Variants in MED12L observed in about 807,000 individuals in gnomAD.
The protein encoded by MED12L is mediator complex subunit 12L.
MED12L carries 60 observed loss-of-function variants against 281.3 expected under a neutral mutation model. The ratio of observed to expected loss-of-function variants is 0.21; its 90% confidence interval spans 0.17 to 0.26. The LOEUF is 0.26. MED12L is among the 10% of genes least tolerant of loss of function. The pLI, the probability that MED12L is intolerant of heterozygous loss-of-function variation, is 1.00. For synonymous variants in MED12L, 974 were observed against 987.2 expected (o/e 0.99, Z 0.25); for missense variants, 2,146 against 2,680.9 (o/e 0.80, Z 4.41).
intron 16 of MED12L, among the ~76,000 whole-genome samples, chr3:151,238,183 G>A (rs1364808459): frequency 4.7e-5 from 7 of 150,106 alleles, no homozygotes; most frequent in African/African-American, 1.5e-4. Context: ...GTCTCGCTCT[G>A]TCACCCAGGC....
chr3:151,346,066 C>T (rs2149993086), intron 16 of MED12L, among the ~76,000 whole-genome samples: 1 of 152,302 alleles, frequency 6.6e-6, no homozygotes, highest in Admixed American at 6.5e-5. Flanking sequence ...GCATTCTCAA[C>T]TCATGACTTT....
chr3:151,349,917 A>G, intron 16 of MED12L, 142 bp from the exon 17 acceptor site: 2 of 535,496 alleles, frequency 3.7e-6, no homozygotes, highest in South Asian at 4.1e-5. Context: ...TTGCCAGTGG[A>G]GGTTGAGGTG....
At position 151,171,583 on chromosome 3, in the gene MED12L, C is replaced by T. The variant is rs771122550; in HGVS notation, c.1494+5601C>T. 2.3e-4 allele frequency among the ~76,000 whole-genome samples: 35 copies of T among 152,290 alleles called. 2 individuals are homozygous for T. The highest frequency in any genetic ancestry group is 9.2e-4 in the Admixed American group (14 of 15,300). ...TGCTGCTAAAACCACACACCCCAGACGGGGAAACTTACATATTTATTGTTT... is the reference window on the plus strand; with the variant it reads ...TGCTGCTAAAACCACACACCCCAGATGGGGAAACTTACATATTTATTGTTT... On this transcript the variant is annotated intron_variant, in intron 11 of 44. Transcript: ENST00000687756.
At chr3:151,131,894 T>G (rs774135805) in intron 5 of MED12L, among the ~76,000 whole-genome samples, 2 of 152,210 alleles carry the variant, frequency 1.3e-5, no homozygotes, top group Non-Finnish European at 2.9e-5. Flanking sequence ...CTTTTATTTT[T>G]TGCATACCCA....
At chr3:151,295,219 A>C (rs1744926532) in intron 16 of MED12L, 1 of 1,586,778 alleles carries the variant, frequency 6.3e-7, no homozygotes, top group Non-Finnish European at 8.6e-7. Context: ...TATCTGTAGG[A>C]GAAGTGGGGA....
At chr3:151,300,025 C>T (rs768399907) in intron 16 of MED12L, 1 of 1,377,350 alleles carries the variant, frequency 7.3e-7, no homozygotes, top group Non-Finnish European at 1.0e-6. Context: ...TAATAGTCAT[C>T]AATAAAGTAA....
intron 16 of MED12L, chr3:151,198,458 T>C (rs1725009375): frequency 6.2e-7 from 1 of 1,610,418 alleles, no homozygotes; most frequent in African/African-American, 1.3e-5. Flanking sequence ...TAATTTTTCT[T>C]TCTGAGCCTT....
chr3:151,205,564 G>A (rs1434064420), intron 16 of MED12L, among the ~76,000 whole-genome samples: 1 of 152,166 alleles, frequency 6.6e-6, no homozygotes, highest in African/African-American at 2.4e-5. Context: ...AACTAATGAG[G>A]AAGGGGAAAG....
chr3:151,097,976 G>A (rs1461120271), intron 2 of MED12L, among the ~76,000 whole-genome samples: 1 of 152,226 alleles, frequency 6.6e-6, no homozygotes, highest in South Asian at 2.1e-4. Flanking sequence ...AGTGGATGGG[G>A]TTGAGGATAG....
At chr3:151,119,825 C>G (rs1713463670) in intron 3 of MED12L, among the ~76,000 whole-genome samples, 1 of 152,132 alleles carries the variant, frequency 6.6e-6, no homozygotes, top group South Asian at 2.1e-4. Context: ...ATATGAAATA[C>G]ATGAATTATA....
At chr3:151,204,431 C>T (rs1160620171) in intron 16 of MED12L, among the ~76,000 whole-genome samples, 1 of 151,996 alleles carries the variant, frequency 6.6e-6, no homozygotes, top group Non-Finnish European at 1.5e-5. Flanking sequence ...TGACATTCTC[C>T]CAAATTCATA....
intron 16 of MED12L, chr3:151,295,025 G>A: frequency 6.2e-7 from 1 of 1,613,390 alleles, no homozygotes. Context: ...TATGAAGCTG[G>A]TTTTATTCCT....
intron 16 of MED12L, among the ~76,000 whole-genome samples, chr3:151,296,844 A>C (rs1342500612): frequency 6.6e-6 from 1 of 152,108 alleles, no homozygotes; most frequent in Non-Finnish European, 1.5e-5. Context: ...TATGTTTTGG[A>C]ATGGTTTTGT....
At chr3:151,333,403 A>G (rs1750570836) in intron 16 of MED12L, among the ~76,000 whole-genome samples, 1 of 152,200 alleles carries the variant, frequency 6.6e-6, no homozygotes, top group African/African-American at 2.4e-5. Flanking sequence ...CCTCACCAGT[A>G]TCTGTTATTT....
intron 16 of MED12L, among the ~76,000 whole-genome samples, chr3:151,197,440 G>A (rs1411072779): frequency 2.0e-5 from 3 of 152,068 alleles, no homozygotes; most frequent in Non-Finnish European, 2.9e-5. Context: ...GAGCCACCAC[G>A]CCCGGCTGGA....
In MED12L at chr3:151,239,762, T is replaced by G. The variant is rs112986331; in HGVS notation, c.2250+46096T>G. On this transcript the variant is annotated intron_variant, in intron 16 of 44. Coordinates refer to ENST00000687756, the MANE Select transcript of MED12L (RefSeq NM_001393769.1). Reference sequence around the variant, plus strand: ...TTATCTATATTTTCTGATAAGAGATTTTGTTATGGTTGTTAGTTTGCTTGT... The same window carrying G: ...TTATCTATATTTTCTGATAAGAGATGTTGTTATGGTTGTTAGTTTGCTTGT... Among the ~76,000 whole-genome samples the G allele has an allele frequency of 6.8e-3, 1,042 of 152,284 alleles. 7 individuals carry two copies. Among genetic ancestry groups the G allele is most frequent in the South Asian group, 0.016 (76 of 4,826 alleles).
Position 151,127,319 on chromosome 3 carries a change from A to G in MED12L, c.397-506A>G, listed in dbSNP as rs372990407. 2.2e-3 allele frequency among the ~76,000 whole-genome samples: 342 copies of G among 152,310 alleles called. 8 individuals carry two copies. In the South Asian group the frequency reaches 0.059, roughly 26 times the overall value. ...TAGTCTCTCTTTTAAATTTTGTACT[A>G]ATGTCACTTTTAGAAGCTTTCTGGA... On this transcript the variant is annotated intron_variant, in intron 4 of 44. Coordinates refer to ENST00000687756, the MANE Select transcript of MED12L (RefSeq NM_001393769.1).
intron 17 of MED12L, 81 bp downstream of exon 17, chr3:151,350,287 T>C: frequency 7.2e-7 from 1 of 1,390,266 alleles, no homozygotes; most frequent in South Asian, 1.3e-5. Context: ...AAGTGTTCTA[T>C]GTCACTGTCA....
intron 16 of MED12L, among the ~76,000 whole-genome samples, chr3:151,205,765 C>A (rs1726262848): frequency 6.6e-6 from 1 of 152,172 alleles, no homozygotes; most frequent in Non-Finnish European, 1.5e-5. Context: ...ATGCTTCTTA[C>A]AATGAAATTG....
Sources: allele counts gnomAD v4.1 joint callset (sites outside exome capture counted in the v4.1 genomes callset), GRCh38; gene constraint gnomAD v4.1.1; transcripts MANE v1.5; gene names NCBI Gene and HGNC (gene_info 2026-07-23, HGNC 2026-07-21).